The following ATP9A variants were observed in gnomAD, a reference collection of about 807,000 sequenced individuals.
The protein encoded by ATP9A is probable phospholipid-transporting ATPase IIA.
In ATP9A, 52 loss-of-function variants were observed where a neutral mutation model predicts 144.1. That is an observed-to-expected ratio of 0.36 (90% CI 0.29 to 0.45). The LOEUF is 0.45. Ranked by LOEUF, ATP9A falls within the 20% of genes least tolerant of loss-of-function variation. The pLI is 1.00. For synonymous variants in ATP9A, 582 were observed against 557.4 expected (o/e 1.04, Z -0.62); for missense variants, 947 against 1,392.7 (o/e 0.68, Z 5.09).
Position 51,601,161 on chromosome 20 carries a change from G to A in ATP9A, c.*50C>T. 1 of 1,536,104 alleles carries A rather than the reference G, an allele frequency of 6.5e-7. No individual in the cohort carries two copies. The highest frequency in any genetic ancestry group is 8.8e-7 in the Non-Finnish European group (1 of 1,141,914). On this transcript the variant is annotated 3_prime_UTR_variant, in exon 28 of 28. Coordinates refer to ENST00000338821, the MANE Select transcript of ATP9A (RefSeq NM_006045.3). ...TTAATATAAATGGAACTTGAGCTCT[G>A]TCCATCAGGGAAGCGCCAAGACCAG... is the stretch of plus-strand genomic sequence containing the variant.
chr20:51,666,162 T>A (rs2077432021), intron 13 of ATP9A, among the ~76,000 whole-genome samples: 1 of 152,198 alleles, frequency 6.6e-6, no homozygotes, highest in Admixed American at 6.5e-5. Flanking sequence ...AGTCGCTTCC[T>A]GTACCCCAGT....
At chr20:51,640,863 A>G (rs1221163314) in intron 14 of ATP9A, among the ~76,000 whole-genome samples, 1 of 152,152 alleles carries the variant, frequency 6.6e-6, no homozygotes, top group Non-Finnish European at 1.5e-5. Context: ...GCCAGGGTGG[A>G]TGGAGCTTCC....
Position 51,713,040 on chromosome 20 carries a change from G to A in ATP9A, c.362C>T (p.Ala121Val), listed in dbSNP as rs757718751. The A allele has an allele frequency of 8.7e-6, 14 of 1,612,658 alleles. No homozygotes were observed. Among genetic ancestry groups the A allele is most frequent in the South Asian group, 5.5e-5 (5 of 90,778 alleles). ...CACGTAGCATCGGATCTCCTCCACC[G>A]CCTCACGGATGACAGTGACGGCCAG... ...FVLAVTVIRE[A>V]VEEIRCYVRD... The change falls in exon 4 of 28, where the codon GCG becomes GTG. Residue 121 changes from alanine (A) to valine (V), a missense_variant. By Grantham distance (64) the Ala-to-Val change is moderately conservative. Transcript: ENST00000338821.
intron 18 of ATP9A, among the ~76,000 whole-genome samples, chr20:51,623,546 C>T (rs1345944000): frequency 6.6e-6 from 1 of 152,052 alleles, no homozygotes; most frequent in Non-Finnish European, 1.5e-5. Context: ...TTTGGGAGGC[C>T]GAGGCAGGTG....
At chr20:51,741,573 G>A (rs566194571) in intron 1 of ATP9A, among the ~76,000 whole-genome samples, 26 of 152,058 alleles carry the variant, frequency 1.7e-4, no homozygotes, top group African/African-American at 4.6e-4. Context: ...GCAAAACTCC[G>A]TCTCAAAAAA....
intron 19 of ATP9A, among the ~76,000 whole-genome samples, chr20:51,620,534 C>T (rs1372798639): frequency 6.6e-6 from 1 of 152,064 alleles, no homozygotes; most frequent in African/African-American, 2.4e-5. Context: ...AGCTCACAGC[C>T]ACCAGTTCTG....
intron 14 of ATP9A, among the ~76,000 whole-genome samples, chr20:51,640,501 A>G (rs1352974472): frequency 6.6e-6 from 1 of 152,202 alleles, no homozygotes; most frequent in Non-Finnish European, 1.5e-5. Context: ...GAGGAAACCA[A>G]GGCTCAGAGC....
chr20:51,625,164 G>A lies in ATP9A; in HGVS notation c.2016+28C>T, dbSNP rs1000843005. 4 of 1,591,428 alleles carry A rather than the reference G, an allele frequency of 2.5e-6. No individual in the cohort carries two copies. The African/African-American group carries it at 5.3e-5, about 21-fold the overall frequency. The stretch of plus-strand genomic sequence containing the variant: ...GGGATAACTGGCATTGCCCTGGAGT[G>A]CCCTTCCCTGCGGGCAGCCCGCCCT... On this transcript the variant is annotated intron_variant, in intron 18 of 27. Transcript: ENST00000338821.
intron 1 of ATP9A, among the ~76,000 whole-genome samples, chr20:51,748,450 A>C (rs1407361388): frequency 6.6e-6 from 1 of 152,234 alleles, no homozygotes; most frequent in Non-Finnish European, 1.5e-5. Flanking sequence ...AGACCATCTG[A>C]TTCTGCAAGA....
At chr20:51,644,121 C>A (rs896489162) in intron 14 of ATP9A, among the ~76,000 whole-genome samples, 7 of 151,816 alleles carry the variant, frequency 4.6e-5, no homozygotes, top group Non-Finnish European at 1.0e-4. Flanking sequence ...AGCAACAGAA[C>A]AAGACTCTGC....
chr20:51,698,957 A>G (rs2122830590), intron 4 of ATP9A, among the ~76,000 whole-genome samples: 1 of 152,352 alleles, frequency 6.6e-6, no homozygotes, highest in African/African-American at 2.4e-5. Flanking sequence ...AAATTCACAT[A>G]CAGGAGCAAC....
chr20:51,665,104 C>CA (rs56171743), intron 13 of ATP9A, among the ~76,000 whole-genome samples: 111,219 of 151,710 alleles, frequency 0.73, 41,686 homozygotes, highest in Middle Eastern at 0.83. Context: ...CTGCTACAAC[C>CA]GGAAGAACCT....
At chr20:51,682,354 C>CA (rs1178267737) in intron 9 of ATP9A, among the ~76,000 whole-genome samples, 1 of 152,038 alleles carries the variant, frequency 6.6e-6, no homozygotes, top group African/African-American at 2.4e-5. Flanking sequence ...GAACCGTCCA[C>CA]AAAAAATGAA....
intron 15 of ATP9A, among the ~76,000 whole-genome samples, chr20:51,631,877 T>C (rs2077271414): frequency 6.6e-6 from 1 of 152,130 alleles, no homozygotes; most frequent in Non-Finnish European, 1.5e-5. Context: ...TTCTCCAACC[T>C]TGCCTGATTT....
intron 14 of ATP9A, among the ~76,000 whole-genome samples, chr20:51,640,443 C>G (rs1337206012): frequency 1.3e-5 from 2 of 152,180 alleles, no homozygotes; most frequent in Non-Finnish European, 2.9e-5. Flanking sequence ...ACTGATCTGG[C>G]CCCAAATGTC....
chr20:51,646,570 G>C (rs2077343156), intron 14 of ATP9A, among the ~76,000 whole-genome samples: 1 of 152,210 alleles, frequency 6.6e-6, no homozygotes, highest in Admixed American at 6.5e-5. Flanking sequence ...GGCGTTGGGA[G>C]AGAAGCAGAC....
chr20:51,670,582 G>A (rs1443937298), intron 12 of ATP9A, among the ~76,000 whole-genome samples: 1 of 152,232 alleles, frequency 6.6e-6, no homozygotes, highest in East Asian at 1.9e-4. Context: ...CTGATTTGGT[G>A]AGCCGCCCAG....
intron 15 of ATP9A, among the ~76,000 whole-genome samples, chr20:51,637,422 G>A (rs954395856): frequency 2.0e-5 from 3 of 151,630 alleles, no homozygotes; most frequent in Non-Finnish European, 4.4e-5. Context: ...CAGGAGACAC[G>A]GGAGGACCAA....
In ATP9A at chr20:51,627,653, C is replaced by A. The variant is rs774584191; in HGVS notation, c.1792G>T (p.Val598Leu). 8.7e-6 allele frequency: 14 copies of A among 1,614,068 alleles called. No individual in the cohort carries two copies. The East Asian group carries it at 3.1e-4, about 36-fold the overall frequency. ...CGNMAREGLRVLVVAKKSLAE... is the reference protein window; with the variant it reads ...CGNMAREGLRLLVVAKKSLAE... ...AGAGACTTCTTTGCCACCACGAGCA[C>A]CCGCAGCCCTTCTCGGGCCATGTTG... is the stretch of plus-strand genomic sequence containing the variant. Residue 598 changes from valine (V) to leucine (L), a missense_variant, in exon 17 of 28, where the codon GTG (valine) becomes TTG (leucine). By Grantham distance (32) the Val-to-Leu change is conservative. Coordinates refer to ENST00000338821, the MANE Select transcript of ATP9A (RefSeq NM_006045.3).
Sources: gnomAD v4.1 joint callset for allele counts (sites outside exome capture counted in the v4.1 genomes callset) on GRCh38, gnomAD v4.1.1 for gene constraint, MANE v1.5 for transcripts, NCBI Gene and HGNC (gene_info 2026-07-23, HGNC 2026-07-21) for gene names.